The following CACNA2D3 variants were observed in gnomAD, a reference collection of about 807,000 sequenced individuals.
CACNA2D3 encodes calcium voltage-gated channel auxiliary subunit alpha2delta 3.
CACNA2D3 carries 60 observed loss-of-function variants against 160.6 expected under a neutral mutation model. The observed-to-expected ratio is 0.37, with a 90% CI of 0.30 to 0.46. CACNA2D3 has a LOEUF of 0.46. Among genes scored for constraint, CACNA2D3 ranks in the 20% least tolerant of loss-of-function variants. The pLI is 1.00. For missense variants in CACNA2D3, 1,205 were observed against 1,365.0 expected (o/e 0.88, Z 1.85); for synonymous variants, 558 against 492.9 (o/e 1.13, Z -1.75).
At chr3:54,526,872 G>A (rs558974989) in intron 5 of CACNA2D3, among the ~76,000 whole-genome samples, 3 of 152,124 alleles carry the variant, frequency 2.0e-5, no homozygotes, top group South Asian at 4.1e-4. Flanking sequence ...TGTATTTTTA[G>A]TAGAGACAGG....
At chr3:54,174,025 T>TC (rs2107314744) in intron 2 of CACNA2D3, among the ~76,000 whole-genome samples, 1 of 152,312 alleles carries the variant, frequency 6.6e-6, no homozygotes, top group South Asian at 2.1e-4. Flanking sequence ...AGGTTAGGTA[T>TC]CGGTAAACAT....
intron 10 of CACNA2D3, chr3:54,638,792 T>A (rs1183271120): frequency 6.6e-6 from 1 of 151,988 alleles, no homozygotes; most frequent in Non-Finnish European, 1.5e-5. Flanking sequence ...AAAGTGCCAT[T>A]TTCTGGCTAT....
intron 35 of CACNA2D3, among the ~76,000 whole-genome samples, chr3:55,033,842 T>TGAC (rs1703750501): frequency 1.8e-5 from 2 of 111,858 alleles, no homozygotes; most frequent in African/African-American, 8.1e-5. Flanking sequence ...ATATAATATA[T>TGAC]ATTACATATT....
intron 27 of CACNA2D3, among the ~76,000 whole-genome samples, chr3:54,966,637 G>A (rs1243546389): frequency 6.6e-6 from 1 of 152,108 alleles, no homozygotes; most frequent in Non-Finnish European, 1.5e-5. Context: ...TGGCTAACAT[G>A]GTGAAACTTC....
At chr3:54,693,513 T>A (rs532268602) in intron 11 of CACNA2D3, among the ~76,000 whole-genome samples, 20 of 152,244 alleles carry the variant, frequency 1.3e-4, no homozygotes, top group Non-Finnish European at 2.9e-4. Flanking sequence ...TTATGTACTG[T>A]ACTATACTTT....
chr3:54,922,707 T>C (rs1700888967), intron 27 of CACNA2D3, among the ~76,000 whole-genome samples: 1 of 152,130 alleles, frequency 6.6e-6, no homozygotes, highest in African/African-American at 2.4e-5. Context: ...GCTTCGGGCT[T>C]AAATATACAA....
intron 14 of CACNA2D3, among the ~76,000 whole-genome samples, chr3:54,824,267 C>T (rs1703702067): frequency 6.6e-6 from 1 of 152,166 alleles, no homozygotes; most frequent in Non-Finnish European, 1.5e-5. Context: ...CTTAGAGCGA[C>T]ATTGATCTGA....
intron 35 of CACNA2D3, among the ~76,000 whole-genome samples, chr3:55,062,352 G>T (rs552947940): frequency 1.3e-5 from 2 of 150,618 alleles, no homozygotes; most frequent in African/African-American, 4.9e-5. Context: ...GGGGTTAAGC[G>T]ACCCTCCTTC....
At chr3:54,476,638 T>G (rs1700836021) in intron 4 of CACNA2D3, among the ~76,000 whole-genome samples, 1 of 152,210 alleles carries the variant, frequency 6.6e-6, no homozygotes, top group Admixed American at 6.5e-5. Context: ...GGTTTTGATT[T>G]GCATTTCCCT....
intron 11 of CACNA2D3, among the ~76,000 whole-genome samples, chr3:54,680,819 G>A (rs1700332248): frequency 6.6e-6 from 1 of 152,172 alleles, no homozygotes; most frequent in South Asian, 2.1e-4. Flanking sequence ...TGAAAATGGA[G>A]TTATAATCAA....
chr3:54,763,651 A>T (rs1019419858), intron 12 of CACNA2D3, among the ~76,000 whole-genome samples: 1 of 127,950 alleles, frequency 7.8e-6, no homozygotes, highest in Non-Finnish European at 1.7e-5. Context: ...GTGTGTATAT[A>T]TATGTGTGTG....
intron 5 of CACNA2D3, among the ~76,000 whole-genome samples, chr3:54,537,704 A>G (rs1701910941): frequency 6.6e-6 from 1 of 152,152 alleles, no homozygotes; most frequent in African/African-American, 2.4e-5. Flanking sequence ...GGCATAGTCA[A>G]GTAGGGATTT....
chr3:54,673,817 C>T (rs766117229), intron 11 of CACNA2D3, among the ~76,000 whole-genome samples: 7 of 152,190 alleles, frequency 4.6e-5, no homozygotes, highest in Non-Finnish European at 7.3e-5. Context: ...ACCTTCCTCT[C>T]TGGACTAGGG....
intron 5 of CACNA2D3, among the ~76,000 whole-genome samples, chr3:54,541,346 A>T (rs532955086): frequency 6.6e-6 from 1 of 151,960 alleles, no homozygotes; most frequent in East Asian, 1.9e-4. Context: ...ACAGAGGCAC[A>T]TAGAGAAGAT....
chr3:54,984,573 G>T, intron 29 of CACNA2D3, 35 bp from the exon 30 acceptor site: 1 of 1,315,258 alleles, frequency 7.6e-7, no homozygotes, highest in Non-Finnish European at 1.1e-6. Context: ...AGTTGAAGCT[G>T]TTTTTTTGTT....
At chr3:54,875,484 A>C (rs1252041504) in intron 18 of CACNA2D3, 2 of 152,352 alleles carry the variant, frequency 1.3e-5, no homozygotes, top group East Asian at 3.9e-4. Flanking sequence ...TCACGTTCTA[A>C]TGTGGACAAT....
intron 4 of CACNA2D3, among the ~76,000 whole-genome samples, chr3:54,448,208 C>T (rs1028874991): frequency 2.0e-5 from 3 of 152,178 alleles, no homozygotes; most frequent in Non-Finnish European, 4.4e-5. Flanking sequence ...GAATCTGCCT[C>T]CCTGGCAGCT....
intron 12 of CACNA2D3, among the ~76,000 whole-genome samples, chr3:54,759,459 TATACTA>T (rs1257269068): frequency 9.4e-5 from 14 of 149,484 alleles, no homozygotes; most frequent in African/African-American, 3.2e-4. Flanking sequence ...AACTAAAACT[TATACTA>T]AGACATTTAA....
intron 2 of CACNA2D3, among the ~76,000 whole-genome samples, chr3:54,225,354 T>C (rs4928015): frequency 0.018 from 2,793 of 152,328 alleles, 116 homozygotes; most frequent in East Asian, 0.14. Context: ...TATCACCTTC[T>C]GAAATTTCTT....
Sources: gnomAD v4.1 joint callset for allele counts (sites outside exome capture counted in the v4.1 genomes callset) on GRCh38, gnomAD v4.1.1 for gene constraint, MANE v1.5 for transcripts, NCBI Gene and HGNC (gene_info 2026-07-23, HGNC 2026-07-21) for gene names.